Variants in IL1RAPL2 observed in about 807,000 individuals in gnomAD.
The protein encoded by IL1RAPL2 is interleukin 1 receptor accessory protein like 2.
IL1RAPL2 carries 3 observed loss-of-function variants against 44.1 expected under a neutral mutation model. The ratio of observed to expected loss-of-function variants is 0.07; its 90% CI spans 0.03 to 0.18. The LOEUF (loss-of-function observed/expected upper bound fraction) is 0.18. Among genes scored for constraint, IL1RAPL2 ranks in the 10% least tolerant of loss-of-function variants. The probability of loss-of-function intolerance (pLI) is 1.00; values close to 1 mark genes in which losing one functional copy is unlikely to be tolerated. For synonymous variants in IL1RAPL2, 181 were observed against 178.8 expected (o/e 1.01, Z -0.10); for missense variants, 391 against 496.4 (o/e 0.79, Z 2.02).
intron 6 of IL1RAPL2, among the ~76,000 whole-genome samples, chrX:105,695,883 T>G (rs1286444356): frequency 1.8e-5 from 2 of 112,254 alleles, no homozygotes; most frequent in African/African-American, 6.5e-5. Context: ...TCAAATGCCA[T>G]GTTCTTAGTC....
chrX:104,915,645 T>C (rs1332430581), intron 2 of IL1RAPL2, among the ~76,000 whole-genome samples: 1 of 111,217 alleles, frequency 9.0e-6, no homozygotes, highest in Non-Finnish European at 1.9e-5. Context: ...TCCTTGCCCA[T>C]GCCTATGTCC....
intron 1 of IL1RAPL2, among the ~76,000 whole-genome samples, chrX:104,651,579 T>C (rs559447981): frequency 9.0e-6 from 1 of 111,618 alleles, no homozygotes; most frequent in Non-Finnish European, 1.9e-5. Context: ...ATCGTGAAGG[T>C]ACAATCATAG....
intron 2 of IL1RAPL2, among the ~76,000 whole-genome samples, chrX:104,883,201 C>G (rs1001697164): frequency 9.0e-6 from 1 of 111,416 alleles, no homozygotes. Context: ...CCATTGGACC[C>G]CTTTTGCTTG....
intron 6 of IL1RAPL2, among the ~76,000 whole-genome samples, chrX:105,628,175 T>TC (rs886966195): frequency 5.4e-5 from 6 of 111,935 alleles, no homozygotes; most frequent in Admixed American, 2.8e-4. Flanking sequence ...TCATTTTTTT[T>TC]CTTTTTCTTT....
chrX:105,024,867 G>T (rs1286891778), intron 2 of IL1RAPL2, among the ~76,000 whole-genome samples: 1 of 110,474 alleles, frequency 9.1e-6, no homozygotes, highest in Non-Finnish European at 1.9e-5. Flanking sequence ...TCCAACTTCT[G>T]ATGTATGAGT....
chrX:105,282,552 G>A (rs1291088505), intron 5 of IL1RAPL2, among the ~76,000 whole-genome samples: 1 of 111,475 alleles, frequency 9.0e-6, no homozygotes, highest in Admixed American at 9.6e-5. Context: ...CCTTTCTGGG[G>A]TACATTGCCT....
chrX:104,783,634 G>GT (rs1932785032), intron 2 of IL1RAPL2, among the ~76,000 whole-genome samples: 1 of 109,599 alleles, frequency 9.1e-6, no homozygotes, highest in African/African-American at 3.3e-5. Context: ...GCTTAAATCT[G>GT]TTTTTATTGC....
chrX:105,206,120 G>C (rs1336869592), intron 3 of IL1RAPL2, among the ~76,000 whole-genome samples: 3 of 111,242 alleles, frequency 2.7e-5, no homozygotes, highest in African/African-American at 9.8e-5. Flanking sequence ...AACTGAGAGA[G>C]AAGACCTGGA....
At chrX:104,854,810 G>A (rs1922314170) in intron 2 of IL1RAPL2, among the ~76,000 whole-genome samples, 1 of 112,043 alleles carries the variant, frequency 8.9e-6, no homozygotes. Flanking sequence ...AGGGCTAGGA[G>A]AAGTCACAAA....
At chrX:104,942,325 T>C (rs1407306824) in intron 2 of IL1RAPL2, among the ~76,000 whole-genome samples, 5 of 112,223 alleles carry the variant, frequency 4.5e-5, no homozygotes, top group Non-Finnish European at 9.4e-5. Flanking sequence ...ATTCTTCCTA[T>C]CCATGAGCAT....
At chrX:104,586,087 C>T (rs956860156) in intron 1 of IL1RAPL2, among the ~76,000 whole-genome samples, 2 of 111,890 alleles carry the variant, frequency 1.8e-5, no homozygotes, top group East Asian at 2.8e-4. Context: ...TCTTTTTCTC[C>T]ACAACCTCAC....
At chrX:105,760,169 G>T (rs1344727358) in intron 10 of IL1RAPL2, among the ~76,000 whole-genome samples, 1 of 111,946 alleles carries the variant, frequency 8.9e-6, no homozygotes, top group Non-Finnish European at 1.9e-5. Flanking sequence ...GTAGAGGTTA[G>T]AGTTGATTAT....
intron 6 of IL1RAPL2, among the ~76,000 whole-genome samples, chrX:105,660,159 G>A (rs1337377625): frequency 9.0e-6 from 1 of 111,210 alleles, no homozygotes; most frequent in Admixed American, 9.5e-5. Context: ...ATGTAAAAGA[G>A]CTTCAGTATG....
rs771394621 is a variant in IL1RAPL2 at position 104,762,801 on chromosome X, G to A, written c.82+103806G>A. Reference sequence around the variant, plus strand: ...CTGAGCTCTGCATTGGCCCCTTTTAGTCTTGGTGGGATGCAGGACACCAAG... The same window carrying A: ...CTGAGCTCTGCATTGGCCCCTTTTAATCTTGGTGGGATGCAGGACACCAAG... On this transcript the variant is annotated intron_variant, in intron 2 of 10. Coordinates refer to ENST00000372582, the MANE Select transcript of IL1RAPL2 (RefSeq NM_017416.2). Among the ~76,000 whole-genome samples, 224 of 111,693 alleles carry A rather than the reference G, an allele frequency of 2.0e-3. 1 individual carries two copies. The highest frequency in any genetic ancestry group is 3.6e-3 in the Non-Finnish European group (192 of 53,005).
chrX:105,014,624 T>A (rs2031133573), intron 2 of IL1RAPL2, among the ~76,000 whole-genome samples: 1 of 112,351 alleles, frequency 8.9e-6, no homozygotes, highest in Admixed American at 9.4e-5. Context: ...TTCATCCATA[T>A]GCCTGCAAAG....
At chrX:104,756,983 C>T (rs1487468544) in intron 2 of IL1RAPL2, among the ~76,000 whole-genome samples, 2 of 110,426 alleles carry the variant, frequency 1.8e-5, no homozygotes, top group East Asian at 5.7e-4. Context: ...GAGAGGTAAT[C>T]GGGTAACTGG....
intron 2 of IL1RAPL2, among the ~76,000 whole-genome samples, chrX:104,692,358 ATATT>A (rs746028636): frequency 7.3e-5 from 8 of 110,125 alleles, no homozygotes; most frequent in African/African-American, 1.3e-4. Flanking sequence ...ATATATATAT[ATATT>A]TATTATTATT....
chrX:104,898,267 G>A (rs1280249581), intron 2 of IL1RAPL2, among the ~76,000 whole-genome samples: 1 of 111,589 alleles, frequency 9.0e-6, no homozygotes, highest in Non-Finnish European at 1.9e-5. Flanking sequence ...AATCTGGAAA[G>A]ACAAGTACAG....
At chrX:104,915,312 G>T (rs1411628063) in intron 2 of IL1RAPL2, among the ~76,000 whole-genome samples, 4 of 108,384 alleles carry the variant, frequency 3.7e-5, no homozygotes, top group African/African-American at 1.3e-4. Flanking sequence ...TTCTCTGATG[G>T]CCAGTGATGA....
Sources: allele counts gnomAD v4.1 joint callset (sites outside exome capture counted in the v4.1 genomes callset), GRCh38; gene constraint gnomAD v4.1.1; transcripts MANE v1.5; gene names NCBI Gene and HGNC (gene_info 2026-07-23, HGNC 2026-07-21).